The following RCAN1 variants were observed in gnomAD, a reference collection of about 807,000 sequenced individuals.
The protein encoded by RCAN1 is calcipressin-1.
RCAN1 carries 11 observed loss-of-function variants against 22.9 expected under a neutral mutation model. The observed-to-expected ratio is 0.48, with a 90% CI of 0.30 to 0.79. The LOEUF is 0.79. RCAN1 is among the 30% of genes least tolerant of loss of function. The pLI, the probability that RCAN1 is intolerant of heterozygous loss-of-function variation, is 0.06. For missense variants in RCAN1, 291 were observed against 337.8 expected (o/e 0.86, Z 1.09); for synonymous variants, 136 against 142.3 (o/e 0.96, Z 0.32).
intron 1 of RCAN1, among the ~76,000 whole-genome samples, chr21:34,610,797 G>A (rs1048245933): frequency 6.6e-6 from 1 of 152,184 alleles, no homozygotes; most frequent in Non-Finnish European, 1.5e-5. Context: ...CTCACATAAA[G>A]AATGGAAGGA....
In RCAN1 at chr21:34,566,453, G is replaced by A. The variant is rs543725895; in HGVS notation, c.253-42743C>T. 3.3e-5 allele frequency among the ~76,000 whole-genome samples: 5 copies of A among 152,260 alleles called. No individual in the cohort carries two copies. In the East Asian group the frequency reaches 9.7e-4, roughly 29 times the overall value. ...CAAATGTGGTCACAGTGACCTGGAA[G>A]GCCACATTCAAATTTAGGATTCTCA... On this transcript the variant is annotated intron_variant, in intron 1 of 3. Coordinates refer to ENST00000313806, the MANE Select transcript of RCAN1 (RefSeq NM_004414.7).
intron 1 of RCAN1, among the ~76,000 whole-genome samples, chr21:34,563,568 T>C (rs4817681): frequency 0.24 from 36,555 of 151,028 alleles, 5,171 homozygotes; most frequent in African/African-American, 0.39. Context: ...ATGGCTGAAG[T>C]CCATGGGGTA....
At chr21:34,550,788 T>C (rs891856428) in intron 1 of RCAN1, among the ~76,000 whole-genome samples, 28 of 152,232 alleles carry the variant, frequency 1.8e-4, no homozygotes, top group African/African-American at 6.5e-4. Flanking sequence ...CAGTTGGCTT[T>C]AATGTTCTCA....
intron 1 of RCAN1, among the ~76,000 whole-genome samples, chr21:34,596,311 G>A (rs1988150150): frequency 6.6e-6 from 1 of 152,184 alleles, no homozygotes; most frequent in Non-Finnish European, 1.5e-5. Flanking sequence ...TCTGTAGCGT[G>A]GTTCCCTCCT....
chr21:34,570,773 C>T (rs1311459905), intron 1 of RCAN1, among the ~76,000 whole-genome samples: 4 of 152,010 alleles, frequency 2.6e-5, no homozygotes, highest in African/African-American at 7.2e-5. Flanking sequence ...AGTGAACTTG[C>T]TCCAAATACA....
At chr21:34,609,360 G>A (rs1239748074) in intron 1 of RCAN1, among the ~76,000 whole-genome samples, 1 of 152,196 alleles carries the variant, frequency 6.6e-6, no homozygotes, top group Non-Finnish European at 1.5e-5. Context: ...GCATCCTTGA[G>A]ATGAGTCCTA....
chr21:34,550,903 A>G (rs890978749), intron 1 of RCAN1, among the ~76,000 whole-genome samples: 1 of 152,232 alleles, frequency 6.6e-6, no homozygotes, highest in Non-Finnish European at 1.5e-5. Context: ...CATCCAATGG[A>G]GTGGGCAGAG....
At chr21:34,611,781 G>A (rs1010859129) in intron 1 of RCAN1, among the ~76,000 whole-genome samples, 1 of 152,064 alleles carries the variant, frequency 6.6e-6, no homozygotes, top group Admixed American at 6.5e-5. Context: ...CATTGAAACC[G>A]CAGAAACTAC....
intron 1 of RCAN1, among the ~76,000 whole-genome samples, chr21:34,554,581 C>G (rs1986486041): frequency 6.6e-6 from 1 of 152,144 alleles, no homozygotes; most frequent in Non-Finnish European, 1.5e-5. Context: ...CAGCAATAGT[C>G]AGTACAGGAT....
At chr21:34,551,555 G>A (rs1432432572) in intron 1 of RCAN1, among the ~76,000 whole-genome samples, 2 of 152,134 alleles carry the variant, frequency 1.3e-5, no homozygotes, top group African/African-American at 4.8e-5. Context: ...CCCATGTTCT[G>A]GTGATTGGTG....
At chr21:34,536,810 C>T (rs181245827) in intron 1 of RCAN1, among the ~76,000 whole-genome samples, 1 of 152,324 alleles carries the variant, frequency 6.6e-6, no homozygotes, top group East Asian at 1.9e-4. Context: ...AATGGCTTCG[C>T]TAAAGATCGT....
intron 1 of RCAN1, among the ~76,000 whole-genome samples, chr21:34,574,267 G>A (rs1057254084): frequency 6.6e-6 from 1 of 152,208 alleles, no homozygotes; most frequent in African/African-American, 2.4e-5. Context: ...AGCTTTCCTA[G>A]AAGTTCTGAG....
intron 1 of RCAN1, among the ~76,000 whole-genome samples, chr21:34,547,726 T>C (rs549889355): frequency 4.6e-5 from 7 of 152,330 alleles, no homozygotes; most frequent in African/African-American, 1.7e-4. Context: ...AGGATGAGTT[T>C]GGCTCCATGT....
intron 1 of RCAN1, chr21:34,613,875 G>C: frequency 7.2e-7 from 1 of 1,397,908 alleles, no homozygotes; most frequent in Non-Finnish European, 9.5e-7. Context: ...ACAGCCAAGC[G>C]CTGAAAGCAC....
intron 1 of RCAN1, among the ~76,000 whole-genome samples, chr21:34,545,575 A>G (rs1434025248): frequency 6.6e-6 from 1 of 152,088 alleles, no homozygotes; most frequent in Admixed American, 6.5e-5. Context: ...AGGCACAAAG[A>G]TCCTTTGTGT....
chr21:34,596,404 G>C (rs1280965175), intron 1 of RCAN1, among the ~76,000 whole-genome samples: 1 of 152,150 alleles, frequency 6.6e-6, no homozygotes, highest in Non-Finnish European at 1.5e-5. Context: ...CCCCCTCACT[G>C]GGGAAAGAGA....
At chr21:34,529,542 T>C (rs1985260554) in intron 1 of RCAN1, among the ~76,000 whole-genome samples, 1 of 152,250 alleles carries the variant, frequency 6.6e-6, no homozygotes. Flanking sequence ...CTTGCATTTC[T>C]AAAGGTCCTA....
chr21:34,543,463 C>T (rs141601189), intron 1 of RCAN1, among the ~76,000 whole-genome samples: 235 of 152,296 alleles, frequency 1.5e-3, no homozygotes, highest in African/African-American at 5.3e-3. Context: ...CTAGAAGTAA[C>T]GCAGCCAGGC....
intron 1 of RCAN1, among the ~76,000 whole-genome samples, chr21:34,600,752 C>T (rs539668160): frequency 6.6e-6 from 1 of 152,280 alleles, no homozygotes; most frequent in African/African-American, 2.4e-5. Context: ...AACTTTGTAG[C>T]AAAGCTCATT....
Sources: allele counts gnomAD v4.1 joint callset (sites outside exome capture counted in the v4.1 genomes callset), GRCh38; gene constraint gnomAD v4.1.1; transcripts MANE v1.5; gene names NCBI Gene and HGNC (gene_info 2026-07-23, HGNC 2026-07-21).